PALM2AKAP2: variants seen among roughly 807,000 people sequenced by gnomAD.
PALM2AKAP2 encodes PALM2-AKAP2 fusion protein.
Under a neutral mutation model 71.5 loss-of-function variants are expected in PALM2AKAP2, and 37 were observed. That is an observed-to-expected ratio of 0.52 (90% confidence interval 0.40 to 0.68). PALM2AKAP2 has a LOEUF of 0.68. PALM2AKAP2 is among the 30% of genes least tolerant of loss of function. The pLI, the probability that PALM2AKAP2 is intolerant of heterozygous loss-of-function variation, is 0.00. For synonymous variants in PALM2AKAP2, 468 were observed against 478.8 expected (o/e 0.98, Z 0.29); for missense variants, 1,224 against 1,191.8 (o/e 1.03, Z -0.40).
chr9:109,963,088 T>C (rs2132123103), intron 6 of PALM2AKAP2, among the ~76,000 whole-genome samples: 1 of 152,124 alleles, frequency 6.6e-6, no homozygotes, highest in East Asian at 1.9e-4. Flanking sequence ...CCTGGAGGAG[T>C]TCGGTTTGCA....
chr9:109,925,366 A>T (rs1469099644), intron 5 of PALM2AKAP2, among the ~76,000 whole-genome samples: 1 of 151,628 alleles, frequency 6.6e-6, no homozygotes, highest in Non-Finnish European at 1.5e-5. Context: ...CCTCTCTTGA[A>T]AGGTACCCAG....
chr9:110,139,468 G>C (rs1835975681), intron 2 of PALM2AKAP2, among the ~76,000 whole-genome samples: 1 of 152,134 alleles, frequency 6.6e-6, no homozygotes, highest in Non-Finnish European at 1.5e-5. Context: ...AACTCCTATT[G>C]CAATGTGATA....
intron 3 of PALM2AKAP2, among the ~76,000 whole-genome samples, chr9:109,920,489 C>T (rs958425591): frequency 6.6e-6 from 1 of 151,418 alleles, no homozygotes; most frequent in Non-Finnish European, 1.5e-5. Flanking sequence ...AAGCGGTTCT[C>T]CTGCCTCAGC....
chr9:110,046,767 C>T (rs1833605882), upstream of PALM2AKAP2, among the ~76,000 whole-genome samples: 2 of 152,166 alleles, frequency 1.3e-5, no homozygotes, highest in Non-Finnish European at 1.5e-5. Flanking sequence ...TTCACCCGGC[C>T]TTGCTTTACT....
chr9:109,680,529 T>C (rs1827712261), intron 1 of PALM2AKAP2, among the ~76,000 whole-genome samples: 1 of 152,230 alleles, frequency 6.6e-6, no homozygotes, highest in Non-Finnish European at 1.5e-5. Context: ...CTTTGGCAGT[T>C]TGGTGGAGCC....
At chr9:110,091,831 GA>G (rs1834722666) in intron 1 of PALM2AKAP2, among the ~76,000 whole-genome samples, 3 of 152,092 alleles carry the variant, frequency 2.0e-5, no homozygotes, top group African/African-American at 7.2e-5. Flanking sequence ...TATGAGTTTA[GA>G]TAAATGCTTA....
intron 2 of PALM2AKAP2, among the ~76,000 whole-genome samples, chr9:109,869,399 G>C (rs149418786): frequency 0.015 from 2,229 of 152,132 alleles, 57 homozygotes; most frequent in African/African-American, 0.05. Flanking sequence ...CATGATTTCA[G>C]CTCACTGCAA....
At chr9:109,700,590 C>A (rs1005341997) in intron 1 of PALM2AKAP2, among the ~76,000 whole-genome samples, 2 of 152,174 alleles carry the variant, frequency 1.3e-5, no homozygotes, top group African/African-American at 2.4e-5. Context: ...AATACAACTG[C>A]CCCATGACAT....
At chr9:109,949,934 G>T (rs1831596203) in intron 6 of PALM2AKAP2, among the ~76,000 whole-genome samples, 1 of 152,000 alleles carries the variant, frequency 6.6e-6, no homozygotes, top group African/African-American at 2.4e-5. Context: ...ATGAAACGGT[G>T]AGTCAGAGCC....
At chr9:109,771,635 ACT>A (rs1361188293) in intron 1 of PALM2AKAP2, among the ~76,000 whole-genome samples, 4 of 152,158 alleles carry the variant, frequency 2.6e-5, no homozygotes, top group Admixed American at 2.6e-4. Context: ...CTAACAGAGA[ACT>A]CTCTGATCGC....
chr9:109,661,730 A>G (rs1423586949), intron 1 of PALM2AKAP2, among the ~76,000 whole-genome samples: 2 of 152,242 alleles, frequency 1.3e-5, no homozygotes, highest in East Asian at 1.9e-4. Flanking sequence ...TGGGGATGGC[A>G]TTTTGAATCT....
intron 1 of PALM2AKAP2, among the ~76,000 whole-genome samples, chr9:109,661,338 G>A (rs1289431929): frequency 6.6e-6 from 1 of 152,156 alleles, no homozygotes. Flanking sequence ...ATTAATTTTT[G>A]TGTAAGGTGT....
intron 6 of PALM2AKAP2, among the ~76,000 whole-genome samples, chr9:109,978,703 G>C (rs1480007684): frequency 2.6e-5 from 4 of 152,182 alleles, no homozygotes; most frequent in African/African-American, 9.7e-5. Context: ...GGGTCTGTAA[G>C]TGGAGACAGT....
intron 7 of PALM2AKAP2, among the ~76,000 whole-genome samples, chr9:110,022,369 T>G (rs1052589293): frequency 1.3e-5 from 2 of 152,100 alleles, no homozygotes; most frequent in Non-Finnish European, 2.9e-5. Flanking sequence ...ATAATATCCC[T>G]CTGCTAAGGC....
chr9:109,714,915 G>A (rs976218824), intron 1 of PALM2AKAP2, among the ~76,000 whole-genome samples: 1 of 152,168 alleles, frequency 6.6e-6, no homozygotes, highest in Non-Finnish European at 1.5e-5. Context: ...GGGATGGGCT[G>A]CCCCTGTTGT....
At chr9:109,909,716 G>A (rs942247873) in intron 3 of PALM2AKAP2, among the ~76,000 whole-genome samples, 1 of 152,158 alleles carries the variant, frequency 6.6e-6, no homozygotes, top group Non-Finnish European at 1.5e-5. Context: ...GTCCAAAGAA[G>A]ACTTCCATAA....
intron 3 of PALM2AKAP2, among the ~76,000 whole-genome samples, chr9:109,913,750 T>C (rs914119806): frequency 6.7e-5 from 9 of 133,880 alleles, no homozygotes; most frequent in Admixed American, 6.1e-4. Context: ...ACAAGATGCT[T>C]ATTTCTTTTT....
intron 1 of PALM2AKAP2, among the ~76,000 whole-genome samples, chr9:109,749,631 A>C (rs1828856431): frequency 6.6e-6 from 1 of 151,936 alleles, no homozygotes; most frequent in African/African-American, 2.4e-5. Context: ...ATACTTTATT[A>C]TAAAAGTTAA....
chr9:109,801,409 C>T (rs1047841527), intron 1 of PALM2AKAP2, among the ~76,000 whole-genome samples: 3 of 152,138 alleles, frequency 2.0e-5, no homozygotes, highest in African/African-American at 7.2e-5. Flanking sequence ...AAGGTGGATT[C>T]CAGATGATTG....
Sources: gnomAD v4.1 joint callset for allele counts (sites outside exome capture counted in the v4.1 genomes callset) on GRCh38, gnomAD v4.1.1 for gene constraint, MANE v1.5 for transcripts, NCBI Gene and HGNC (gene_info 2026-07-23, HGNC 2026-07-21) for gene names.